Variants in SEC22A observed in about 807,000 individuals in gnomAD.
The protein encoded by SEC22A is vesicle-trafficking protein SEC22a.
Under a neutral mutation model 35.3 loss-of-function variants are expected in SEC22A, and 22 were observed. The observed-to-expected ratio is 0.62, with a 90% CI of 0.45 to 0.89. The LOEUF is 0.89. SEC22A is among the 40% of genes least tolerant of loss of function. The pLI, the probability that SEC22A is intolerant of heterozygous loss-of-function variation, is 0.00. For synonymous variants in SEC22A, 119 were observed against 129.5 expected (o/e 0.92, Z 0.55); for missense variants, 354 against 362.5 (o/e 0.98, Z 0.19).
rs550789791 is a variant in SEC22A at position 123,231,324 on chromosome 3, A to G, written c.541+6027A>G. Among the ~76,000 whole-genome samples the G allele has an allele frequency of 3.7e-4, 56 of 152,338 alleles. 1 individual carries two copies. The South Asian group carries it at 0.011, about 30-fold the overall frequency. On this transcript the variant is annotated intron_variant, in intron 4 of 6. Transcript: ENST00000492595. ...CATATGCCAGTGAGACATAACAGAC[A>G]TCTATTAGGATACTCCATTTAACAA...
intron 2 of SEC22A, among the ~76,000 whole-genome samples, chr3:123,222,611 G>A (rs1007662988): frequency 6.6e-6 from 1 of 151,956 alleles, no homozygotes; most frequent in Non-Finnish European, 1.5e-5. Context: ...GATCATTTTG[G>A]TGTTTTCTTA....
In SEC22A at chr3:123,271,826, G is replaced by C. The variant is rs1225513423; in HGVS notation, c.*104G>C. 2.9e-5 allele frequency: 27 copies of C among 937,330 alleles called. No homozygotes were observed. Among genetic ancestry groups the C allele is most frequent in the Non-Finnish European group, 4.2e-5 (26 of 625,012 alleles). The allele number at this position is 937,330 out of a possible 1,614,324, so 58.1% of individuals were successfully genotyped here. On this transcript the variant is annotated 3_prime_UTR_variant, in exon 7 of 7. Coordinates refer to ENST00000492595, the MANE Select transcript of SEC22A (RefSeq NM_012430.5). ...CTGTTCCCCACAGAGGAGAAGCTCT[G>C]CTTTCTTTCTCTCCAACTTTCCTTT...
chr3:123,214,466 G>T (rs1256400358), intron 2 of SEC22A, among the ~76,000 whole-genome samples: 1 of 152,196 alleles, frequency 6.6e-6, no homozygotes, highest in Admixed American at 6.5e-5. Context: ...GGGCAGGATG[G>T]TGTGTAGTGT....
chr3:123,231,274 T>C (rs930099955), intron 4 of SEC22A, among the ~76,000 whole-genome samples: 7 of 152,060 alleles, frequency 4.6e-5, no homozygotes, highest in African/African-American at 1.4e-4. Context: ...GATAAGAAAA[T>C]AGAAGACTTG....
intron 2 of SEC22A, among the ~76,000 whole-genome samples, chr3:123,214,722 A>T (rs973851122): frequency 6.6e-6 from 1 of 152,212 alleles, no homozygotes; most frequent in Non-Finnish European, 1.5e-5. Context: ...GGCTTTAGAG[A>T]TTTAAAAATC....
intron 5 of SEC22A, among the ~76,000 whole-genome samples, chr3:123,250,362 A>G (rs1937601138): frequency 6.6e-6 from 1 of 152,124 alleles, no homozygotes; most frequent in Admixed American, 6.5e-5. Flanking sequence ...GTGAGCCAAG[A>G]TCGTGCCACT....
At chr3:123,221,025 A>T (rs1937114094) in intron 2 of SEC22A, among the ~76,000 whole-genome samples, 2 of 151,738 alleles carry the variant, frequency 1.3e-5, no homozygotes, top group African/African-American at 2.4e-5. Flanking sequence ...GTGATAAGAC[A>T]CTTTAAGTGC....
chr3:123,266,848 C>T (rs890125890), intron 6 of SEC22A, among the ~76,000 whole-genome samples: 2 of 152,032 alleles, frequency 1.3e-5, no homozygotes, highest in African/African-American at 2.4e-5. Context: ...AGTGTTATAC[C>T]AGTTGGCTAG....
intron 1 of SEC22A, chr3:123,208,305 T>C (rs1232520957): frequency 6.6e-6 from 1 of 152,232 alleles, no homozygotes; most frequent in Non-Finnish European, 1.5e-5. Context: ...CTTTCAGTTA[T>C]TTGAGTGGAA....
chr3:123,259,729 T>G (rs1937834740), intron 6 of SEC22A, 140 bp downstream of exon 6: 10 of 663,156 alleles, frequency 1.5e-5, no homozygotes, highest in Non-Finnish European at 2.6e-5. Flanking sequence ...CTTTTAACTT[T>G]GTGACCTATG....
At chr3:123,259,650 C>G (rs1937832414) in intron 6 of SEC22A, 61 bp downstream of exon 6, 4 of 1,089,620 alleles carry the variant, frequency 3.7e-6, no homozygotes, top group Non-Finnish European at 5.5e-6. Context: ...GGTATCAGTT[C>G]TAACAATTGT....
intron 2 of SEC22A, among the ~76,000 whole-genome samples, chr3:123,222,479 C>T (rs1415913583): frequency 6.6e-6 from 1 of 151,978 alleles, no homozygotes; most frequent in African/African-American, 2.4e-5. Flanking sequence ...GATTACAGGC[C>T]CCCACCATGC....
At chr3:123,269,272 T>G (rs1166758226) in intron 6 of SEC22A, among the ~76,000 whole-genome samples, 1 of 151,306 alleles carries the variant, frequency 6.6e-6, no homozygotes, top group Admixed American at 6.6e-5. Flanking sequence ...GCAATAAATA[T>G]AGATAAAAAA....
At chr3:123,237,415 A>G (rs147673158) in intron 4 of SEC22A, among the ~76,000 whole-genome samples, 10 of 152,324 alleles carry the variant, frequency 6.6e-5, no homozygotes, top group Non-Finnish European at 1.2e-4. Context: ...TGAAACCTAC[A>G]ATCTGTCATC....
Position 123,264,937 on chromosome 3 carries a change from G to A in SEC22A, c.723+5348G>A, listed in dbSNP as rs914339957. Among the ~76,000 whole-genome samples the A allele has an allele frequency of 2.6e-5, 4 of 151,852 alleles. No individual in the cohort carries two copies. In the East Asian group the frequency reaches 5.8e-4, roughly 22 times the overall value. ...TCTGGGATTATAAGCGTGAGCCACCGAGCCCGGCCTTGCTTATTTTCTAAT... is the reference window on the plus strand; with the variant it reads ...TCTGGGATTATAAGCGTGAGCCACCAAGCCCGGCCTTGCTTATTTTCTAAT... On this transcript the variant is annotated intron_variant, in intron 6 of 6. Transcript: ENST00000492595.
intron 4 of SEC22A, among the ~76,000 whole-genome samples, chr3:123,232,072 CT>C (rs1439108887): frequency 1.3e-5 from 2 of 152,056 alleles, no homozygotes; most frequent in South Asian, 4.2e-4. Flanking sequence ...AACCCCATTT[CT>C]ACTAAAAATA....
chr3:123,254,594 C>T (rs1391775391), intron 5 of SEC22A, among the ~76,000 whole-genome samples: 5 of 152,162 alleles, frequency 3.3e-5, no homozygotes, highest in Admixed American at 6.5e-5. Context: ...CCTACTGGCT[C>T]GTTTCCCTCA....
intron 6 of SEC22A, among the ~76,000 whole-genome samples, chr3:123,270,518 ATCT>A: frequency 6.6e-6 from 1 of 152,260 alleles, no homozygotes; most frequent in East Asian, 1.9e-4. Context: ...AATTTTAGAC[ATCT>A]TCTAGAAAAC....
chr3:123,228,227 A>T (rs116444874), intron 4 of SEC22A, among the ~76,000 whole-genome samples: 1,583 of 151,972 alleles, frequency 0.01, 23 homozygotes, highest in African/African-American at 0.034. Context: ...ACAATATGTT[A>T]TCTAAAATGT....
Sources: gnomAD v4.1 joint callset for allele counts (sites outside exome capture counted in the v4.1 genomes callset) on GRCh38, gnomAD v4.1.1 for gene constraint, MANE v1.5 for transcripts, NCBI Gene and HGNC (gene_info 2026-07-23, HGNC 2026-07-21) for gene names.